The following CNPY1 variants were observed in gnomAD, a reference collection of about 807,000 sequenced individuals.
The protein encoded by CNPY1 is canopy FGF signaling regulator 1.
In CNPY1, 14 loss-of-function variants were observed where a neutral mutation model predicts 14.4. That is an observed-to-expected ratio of 0.97 (90% confidence interval 0.64 to 1.52). The LOEUF (loss-of-function observed/expected upper bound fraction) is 1.52. CNPY1 is among the 40% of genes most tolerant of loss of function. The pLI is 0.00. For missense variants in CNPY1, 129 were observed against 131.5 expected, an observed-to-expected ratio of 0.98 and a Z score of 0.09; for synonymous variants, 43 against 46.5, an observed-to-expected ratio of 0.92 and a Z score of 0.31.
chr7:155,525,271 C>T (rs1796799589), intron 2 of CNPY1, among the ~76,000 whole-genome samples: 1 of 152,154 alleles, frequency 6.6e-6, no homozygotes, highest in Non-Finnish European at 1.5e-5. Context: ...ACCTCCGCCT[C>T]CTGGGTTCAA....
intron 3 of CNPY1, among the ~76,000 whole-genome samples, chr7:155,508,446 G>A (rs1796403943): frequency 1.3e-5 from 2 of 152,190 alleles, no homozygotes; most frequent in South Asian, 2.1e-4. Context: ...ATTTGAAAGC[G>A]GCATTCGTTT....
intron 2 of CNPY1, among the ~76,000 whole-genome samples, chr7:155,542,983 A>AGGCCG (rs1797104571): frequency 1.3e-5 from 2 of 150,948 alleles, no homozygotes; most frequent in Non-Finnish European, 2.9e-5. Flanking sequence ...CCGAGAGGCC[A>AGGCCG]CTCACTCGCT....
At chr7:155,508,070 G>C (rs998788709) in intron 3 of CNPY1, among the ~76,000 whole-genome samples, 1 of 151,916 alleles carries the variant, frequency 6.6e-6, no homozygotes, top group Non-Finnish European at 1.5e-5. Context: ...TTTAAAAATC[G>C]GCTAAAGCCC....
chr7:155,514,902 A>C (rs897934665), intron 2 of CNPY1, among the ~76,000 whole-genome samples: 5 of 149,204 alleles, frequency 3.4e-5, no homozygotes, highest in Admixed American at 6.6e-5. Flanking sequence ...CTCAAAAAAT[A>C]AAGTAAAATA....
rs185883149 is a variant in CNPY1, at chr7:155,520,288, G to A, written c.100-11191C>T. ...GTTTATCCTCTCCACTTGGAGGCGAGAGCCCATGGTAGAAGGACAGATAGT... is the reference window on the plus strand; with the variant it reads ...GTTTATCCTCTCCACTTGGAGGCGAAAGCCCATGGTAGAAGGACAGATAGT... On this transcript the variant is annotated intron_variant, in intron 2 of 4. Coordinates refer to ENST00000636446, the MANE Select transcript of CNPY1 (RefSeq NM_001393663.1). Among the ~76,000 whole-genome samples the A allele has an allele frequency of 5.9e-5, 9 of 152,304 alleles. No homozygotes were observed. In the East Asian group the frequency reaches 1.5e-3, roughly 26 times the overall value.
chr7:155,523,054 G>A (rs1276344780), intron 2 of CNPY1, among the ~76,000 whole-genome samples: 5 of 152,074 alleles, frequency 3.3e-5, no homozygotes, highest in African/African-American at 1.2e-4. Context: ...CCCGATTTGT[G>A]GATTCAAACA....
chr7:155,545,589 A>G (rs1291486344), intron 2 of CNPY1, among the ~76,000 whole-genome samples: 2 of 152,170 alleles, frequency 1.3e-5, no homozygotes, highest in Non-Finnish European at 2.9e-5. Context: ...TTTTATTCTG[A>G]TGAAGAACAG....
At chr7:155,514,617 G>A (rs1713292076) in intron 2 of CNPY1, among the ~76,000 whole-genome samples, 1 of 152,202 alleles carries the variant, frequency 6.6e-6, no homozygotes, top group African/African-American at 2.4e-5. Flanking sequence ...ACGTCTGGCT[G>A]GGTGCAGTGG....
At position 155,535,810 on chromosome 7, in the gene CNPY1, T is replaced by C. The variant is rs79575392; in HGVS notation, c.99+10021A>G. Reference sequence around the variant, plus strand: ...TGTCATTGGATGCATTCATCTGTGATTTGGAAGGCGGTGGACGGAGAGCCA... The same window carrying C: ...TGTCATTGGATGCATTCATCTGTGACTTGGAAGGCGGTGGACGGAGAGCCA... On this transcript the variant is annotated intron_variant, in intron 2 of 4. Coordinates refer to ENST00000636446, the MANE Select transcript of CNPY1 (RefSeq NM_001393663.1). Among the ~76,000 whole-genome samples the C allele has an allele frequency of 5.0e-3, 766 of 152,276 alleles. 5 individuals are homozygous for C. Among genetic ancestry groups the C allele is most frequent in the African/African-American group, 0.017 (713 of 41,552 alleles).
Position 155,502,716 on chromosome 7 carries a change from C to T in CNPY1, c.*352G>A, listed in dbSNP as rs1796156325. The stretch of plus-strand genomic sequence containing the variant: ...CACTGCGCTTGCATATGTGCACATA[C>T]ACTGTTATAAAATAAGCAGCATACA... On this transcript the variant is annotated 3_prime_UTR_variant, in exon 5 of 5. Transcript: ENST00000636446. The T allele has an allele frequency of 4.0e-6, 1 of 247,916 alleles. No homozygotes were observed. Among genetic ancestry groups the T allele is most frequent in the Non-Finnish European group, 7.8e-6 (1 of 128,268 alleles). 15.4% of individuals were successfully genotyped at this position (247,916 alleles called of 1,614,324 possible).
Position 155,507,001 on chromosome 7 carries a change from G to A in CNPY1, c.400+19C>T. ...GAGGGTGTGCGAGCAGCGAGCACAT[G>A]TTACATCAGACACAGTACCTGATTT... On this transcript the variant is annotated intron_variant, in intron 4 of 4. Transcript: ENST00000636446. The A allele has an allele frequency of 6.6e-7, 1 of 1,519,134 alleles. No individual in the cohort carries two copies. The highest frequency in any genetic ancestry group is 9.1e-7 in the Non-Finnish European group (1 of 1,094,524). 94.1% of individuals were successfully genotyped at this position (1,519,134 alleles called of 1,614,324 possible).
At position 155,501,627 on chromosome 7, in the gene CNPY1, A is replaced by C. The variant is rs1796110303; in HGVS notation, c.*1441T>G. 6.6e-6 allele frequency: 1 copy of C among 152,220 alleles called. No homozygotes were observed. Among genetic ancestry groups the C allele is most frequent in the Admixed American group, 6.5e-5 (1 of 15,282 alleles). The allele number at this position is 152,220 out of a possible 1,614,324, so 9.4% of individuals were successfully genotyped here. A position where few individuals can be genotyped will look rare whatever the true frequency, so the allele number is the denominator to read the frequency against. ...ACCTTAACTAGATACGTTTAAATAA[A>C]GCTATAGGGACTATGTTTTAAATAA... On this transcript the variant is annotated 3_prime_UTR_variant, in exon 5 of 5. Transcript: ENST00000636446.
At chr7:155,545,281 C>T (rs1471492146) in intron 2 of CNPY1, among the ~76,000 whole-genome samples, 6 of 152,178 alleles carry the variant, frequency 3.9e-5, no homozygotes, top group Non-Finnish European at 5.9e-5. Context: ...TAATGGGTCC[C>T]GCCTGGTGTC....
chr7:155,510,770 T>G (rs1796512327), intron 2 of CNPY1, among the ~76,000 whole-genome samples: 3 of 152,252 alleles, frequency 2.0e-5, no homozygotes, highest in Admixed American at 2.0e-4. Context: ...TTCATTAAGT[T>G]GTAAAACATG....
At chr7:155,535,881 T>C (rs1367701331) in intron 2 of CNPY1, among the ~76,000 whole-genome samples, 3 of 152,240 alleles carry the variant, frequency 2.0e-5, no homozygotes, top group Admixed American at 2.0e-4. Flanking sequence ...TCGTCTGCTA[T>C]CATCAGGATT....
In CNPY1 at chr7:155,503,091, A is replaced by G; in HGVS notation, c.415T>C (p.Ser139Pro). 6.2e-7 allele frequency: 1 copy of G among 1,600,514 alleles called. No homozygotes were observed. Among genetic ancestry groups the G allele is most frequent in the Non-Finnish European group, 8.5e-7 (1 of 1,178,502 alleles). Residue 139 changes from serine to proline, a missense_variant, in exon 5 of 5, where the codon TCT becomes CCT. By Grantham distance (74) the Ser-to-Pro change is moderately conservative. Coordinates refer to ENST00000636446, the MANE Select transcript of CNPY1 (RefSeq NM_001393663.1). ...TCCTAGAGCTCAGTATGATTAGCAGAAGTTTCACACAGATCTGGAAAAAAA... is the reference window on the plus strand; with the variant it reads ...TCCTAGAGCTCAGTATGATTAGCAGGAGTTTCACACAGATCTGGAAAAAAA... ...CSEKSDLCET[S>P]ANHTEL
At chr7:155,545,521 C>T (rs1461485420) in intron 2 of CNPY1, among the ~76,000 whole-genome samples, 2 of 152,292 alleles carry the variant, frequency 1.3e-5, no homozygotes, top group Admixed American at 6.5e-5. Context: ...CTCTAGGCCG[C>T]CCCTTTAGCC....
chr7:155,501,300 C>T lies in CNPY1; in HGVS notation c.*1768G>A, dbSNP rs1796099937. ...CCCTCAGTGACAGGAGGTGCACCTC[C>T]CCACGTCCGTTTAGTTACAAACAGG... On this transcript the variant is annotated 3_prime_UTR_variant, in exon 5 of 5. Transcript: ENST00000636446. 1 of 152,194 alleles carries T rather than the reference C, an allele frequency of 6.6e-6. No individual in the cohort carries two copies. Among genetic ancestry groups the T allele is most frequent in the South Asian group, 2.1e-4 (1 of 4,826 alleles). The allele number at this position is 152,194 out of a possible 1,614,324, so 9.4% of individuals were successfully genotyped here. A position where few individuals can be genotyped will look rare whatever the true frequency, so the allele number is the denominator to read the frequency against.
intron 4 of CNPY1, among the ~76,000 whole-genome samples, chr7:155,505,295 G>A (rs140203966): frequency 6.6e-6 from 1 of 152,102 alleles, no homozygotes; most frequent in Non-Finnish European, 1.5e-5. Context: ...TTTACTTCCA[G>A]TACTGCTGTT....
Sources: gnomAD v4.1 joint callset for allele counts (sites outside exome capture counted in the v4.1 genomes callset) on GRCh38, gnomAD v4.1.1 for gene constraint, MANE v1.5 for transcripts, NCBI Gene and HGNC (gene_info 2026-07-23, HGNC 2026-07-21) for gene names.